Variants in CEACAM21 observed in about 807,000 individuals in gnomAD.
The protein encoded by CEACAM21 is cell adhesion molecule CEACAM21.
CEACAM21 carries 38 observed loss-of-function variants against 33.2 expected under a neutral mutation model. The ratio of observed to expected loss-of-function variants is 1.14; its 90% confidence interval spans 0.88 to 1.50. CEACAM21 has a LOEUF of 1.50. Ranked by LOEUF, CEACAM21 falls within the 40% of genes most tolerant of loss-of-function variation. CEACAM21 has a pLI of 0.00. For synonymous variants in CEACAM21, 156 were observed against 143.0 expected (o/e 1.09, Z -0.65); for missense variants, 385 against 364.6 (o/e 1.06, Z -0.46).
At chr19:41,562,762 G>GC (rs1304927316) in intron 1 of CEACAM21, among the ~76,000 whole-genome samples, 1 of 151,344 alleles carries the variant, frequency 6.6e-6, no homozygotes, top group Non-Finnish European at 1.5e-5. Context: ...AGAGTCTGGC[G>GC]CTGTCGCCCA....
chr19:41,579,856 T>C (rs1555792946), intron 3 of CEACAM21, among the ~76,000 whole-genome samples: 2 of 152,216 alleles, frequency 1.3e-5, no homozygotes, highest in Non-Finnish European at 1.5e-5. Flanking sequence ...CTCAGTTTCC[T>C]CATCTGTAGA....
chr19:41,586,361 G>T, intron 6 of CEACAM21, 103 bp from the exon 7 acceptor site: 1 of 609,950 alleles, frequency 1.6e-6, no homozygotes, highest in Admixed American at 1.9e-5. Flanking sequence ...CCTGAGCACA[G>T]CCAGGTTCAG....
At chr19:41,556,566 G>T (rs2041541734) in intron 1 of CEACAM21, among the ~76,000 whole-genome samples, 1 of 152,170 alleles carries the variant, frequency 6.6e-6, no homozygotes. Context: ...CCAACACAAA[G>T]AATTGCGATT....
chr19:41,583,345 GT>G (rs2070455817), intron 3 of CEACAM21, among the ~76,000 whole-genome samples: 1 of 152,242 alleles, frequency 6.6e-6, no homozygotes, highest in South Asian at 2.1e-4. Context: ...TCTCTAGGAA[GT>G]TTCAAACTTT....
At chr19:41,557,256 G>A (rs936336162) in intron 1 of CEACAM21, among the ~76,000 whole-genome samples, 6 of 152,254 alleles carry the variant, frequency 3.9e-5, no homozygotes, top group Admixed American at 1.3e-4. Context: ...TGTGCATGTG[G>A]TGTCTCCAGT....
intron 1 of CEACAM21, among the ~76,000 whole-genome samples, chr19:41,557,983 A>G (rs2041641308): frequency 6.6e-6 from 1 of 152,236 alleles, no homozygotes; most frequent in South Asian, 2.1e-4. Flanking sequence ...ACTATCTCCA[A>G]AAACCATGCC....
intron 1 of CEACAM21, among the ~76,000 whole-genome samples, chr19:41,561,623 G>C (rs2041888112): frequency 6.6e-6 from 1 of 152,232 alleles, no homozygotes; most frequent in Non-Finnish European, 1.5e-5. Context: ...GAACCCTGAA[G>C]AAGAGTAACA....
intron 3 of CEACAM21, among the ~76,000 whole-genome samples, chr19:41,581,814 G>T (rs1404742366): frequency 1.3e-5 from 2 of 152,128 alleles, no homozygotes; most frequent in Admixed American, 1.3e-4. Flanking sequence ...CCCCCAACAC[G>T]TGGGGATTAT....
chr19:41,574,135 G>T (rs1175375900), upstream of CEACAM21, among the ~76,000 whole-genome samples: 1 of 152,164 alleles, frequency 6.6e-6, no homozygotes, highest in East Asian at 1.9e-4. Flanking sequence ...GGAACAACTG[G>T]ATAACCACAT....
chr19:41,573,598 A>G (rs1283441143), upstream of CEACAM21, among the ~76,000 whole-genome samples: 5 of 152,260 alleles, frequency 3.3e-5, no homozygotes, highest in African/African-American at 1.2e-4. Flanking sequence ...ATAAAAGAGT[A>G]AGCATGAATA....
upstream of CEACAM21, among the ~76,000 whole-genome samples, chr19:41,574,697 T>C (rs1161911940): frequency 6.6e-6 from 1 of 152,160 alleles, no homozygotes; most frequent in Non-Finnish European, 1.5e-5. Context: ...TAGTAAGTGT[T>C]TACAAGAATG....
chr19:41,570,984 G>A (rs1382845314), intron 2 of CEACAM21, among the ~76,000 whole-genome samples: 1 of 152,046 alleles, frequency 6.6e-6, no homozygotes, highest in Non-Finnish European at 1.5e-5. Context: ...GGGAAGCTGC[G>A]GGAGGGCACA....
At chr19:41,567,445 A>T (rs2042337534) in intron 2 of CEACAM21, among the ~76,000 whole-genome samples, 1 of 152,240 alleles carries the variant, frequency 6.6e-6, no homozygotes, top group African/African-American at 2.4e-5. Flanking sequence ...TGTTCATTGC[A>T]GCCCTGTTTG....
intron 1 of CEACAM21, chr19:41,550,717 T>A (rs2041152426): frequency 6.6e-6 from 1 of 152,080 alleles, no homozygotes; most frequent in Non-Finnish European, 1.5e-5. Context: ...GTTAATAGTG[T>A]GCCCAGATCG....
chr19:41,574,661 G>A (rs60646575), upstream of CEACAM21, among the ~76,000 whole-genome samples: 11,489 of 152,084 alleles, frequency 0.076, 844 homozygotes, highest in East Asian at 0.35. Flanking sequence ...CTACTAGAAT[G>A]GCTATAAGTT....
intron 2 of CEACAM21, among the ~76,000 whole-genome samples, chr19:41,567,227 GA>G (rs2042322002): frequency 6.6e-6 from 1 of 152,162 alleles, no homozygotes; most frequent in African/African-American, 2.4e-5. Context: ...CCAATAATTT[GA>G]AAAATATTAA....
In CEACAM21 at chr19:41,582,970, A is replaced by G. The variant is rs1222542571; in HGVS notation, c.701-1377A>G. On this transcript the variant is annotated intron_variant, in intron 3 of 6. Coordinates refer to ENST00000401445, the MANE Select transcript of CEACAM21 (RefSeq NM_001098506.4). ...ATGGATTTTTCTTTTCTATTGCATC[A>G]TCAGGCTGCAAATTTTCCAAACTTT... Among the ~76,000 whole-genome samples, 4 of 152,208 alleles carry G rather than the reference A, an allele frequency of 2.6e-5. No individual in the cohort carries two copies. The East Asian group carries it at 7.7e-4, about 29-fold the overall frequency.
intron 1 of CEACAM21, among the ~76,000 whole-genome samples, chr19:41,553,928 C>T (rs1219009806): frequency 7.6e-6 from 1 of 132,276 alleles, no homozygotes; most frequent in Non-Finnish European, 1.7e-5. Flanking sequence ...TTAAGAATAC[C>T]CACAAATAGT....
At chr19:41,575,036 C>T (rs79062426), upstream of CEACAM21, among the ~76,000 whole-genome samples, 73 of 152,208 alleles carry the variant, frequency 4.8e-4, no homozygotes, top group East Asian at 7.9e-3. Context: ...ATATATGCTA[C>T]GACGTGGATG....
Sources: gnomAD v4.1 joint callset for allele counts (sites outside exome capture counted in the v4.1 genomes callset) on GRCh38, gnomAD v4.1.1 for gene constraint, MANE v1.5 for transcripts, NCBI Gene and HGNC (gene_info 2026-07-23, HGNC 2026-07-21) for gene names.